ROPN1: variants seen among roughly 807,000 people sequenced by gnomAD.
The protein encoded by ROPN1 is ropporin-1A.
A neutral mutation model predicts 20.5 loss-of-function variants in ROPN1; 14 were observed. The ratio of observed to expected loss-of-function variants is 0.68; its 90% CI spans 0.45 to 1.07. The LOEUF (loss-of-function observed/expected upper bound fraction) is 1.07. ROPN1 is among the 50% of genes least tolerant of loss of function. The pLI, the probability that ROPN1 is intolerant of heterozygous loss-of-function variation, is 0.00. For synonymous variants in ROPN1, 76 were observed against 95.7 expected, an observed-to-expected ratio of 0.79 and a Z score of 1.20; for missense variants, 169 against 242.8, an observed-to-expected ratio of 0.70 and a Z score of 2.02.
At chr3:123,988,478 C>T (rs558647085) in intron 1 of ROPN1, among the ~76,000 whole-genome samples, 1 of 152,134 alleles carries the variant, frequency 6.6e-6, no homozygotes. Context: ...GGTGAATGCA[C>T]TATAGTTTCC....
chr3:123,979,655 C>G (rs1443091716), intron 2 of ROPN1: 1 of 375,282 alleles, frequency 2.7e-6, no homozygotes, highest in African/African-American at 2.1e-5. Context: ...AAGAAGGCAC[C>G]CGTGTTTGAG....
intron 1 of ROPN1, among the ~76,000 whole-genome samples, chr3:123,985,299 T>C (rs998212979): frequency 9.8e-5 from 15 of 152,330 alleles, no homozygotes; most frequent in African/African-American, 3.1e-4. Flanking sequence ...CCCTGTACGT[T>C]GGATTATTAC....
At chr3:123,977,035 G>A in intron 2 of ROPN1, 54 bp from the exon 3 acceptor site, 1 of 1,509,434 alleles carries the variant, frequency 6.6e-7, no homozygotes, top group African/African-American at 1.4e-5. Context: ...GTGGCCTCTG[G>A]CTGTTCTAGC....
At chr3:123,985,524 A>C (rs930637956) in intron 1 of ROPN1, among the ~76,000 whole-genome samples, 1 of 151,928 alleles carries the variant, frequency 6.6e-6, no homozygotes, top group African/African-American at 2.4e-5. Flanking sequence ...TTTTTTTCCC[A>C]TTGTGACTTG....
At position 123,980,618 on chromosome 3, in the gene ROPN1, G is replaced by T. The variant is rs1218625419; in HGVS notation, c.-12-125C>A. 3 of 751,490 alleles carry T rather than the reference G, an allele frequency of 4.0e-6. No individual in the cohort carries two copies. In the African/African-American group the frequency reaches 5.3e-5, roughly 13 times the overall value. The allele number at this position is 751,490 out of a possible 1,614,324, so 46.6% of individuals were successfully genotyped here. On this transcript the variant is annotated intron_variant, in intron 1 of 5. Coordinates refer to ENST00000405845, the MANE Select transcript of ROPN1 (RefSeq NM_001317774.2). ...ATTTTGGGGACTCTGCAAGACAAAT[G>T]CATTCTATTATTACACAACGCCAAG...
chr3:123,975,856 A>G (rs1199740406), intron 3 of ROPN1: 1 of 372,122 alleles, frequency 2.7e-6, no homozygotes, highest in Non-Finnish European at 5.2e-6. Flanking sequence ...TTTATTCCTT[A>G]TATGACAGAT....
At position 123,971,813 on chromosome 3, in the gene ROPN1, G is replaced by C. The variant is rs114922720; in HGVS notation, c.397-1596C>G. On this transcript the variant is annotated intron_variant, in intron 4 of 5. Transcript: ENST00000405845. ...TTTGTTCTGTTGCCCTCTCCCATGGGGTGCTGGTATGGGCTGAATTGTTCC... is the reference window on the plus strand; with the variant it reads ...TTTGTTCTGTTGCCCTCTCCCATGGCGTGCTGGTATGGGCTGAATTGTTCC... Among the ~76,000 whole-genome samples, 405 of 152,240 alleles carry C rather than the reference G, an allele frequency of 2.7e-3. 3 individuals carry two copies. The highest frequency in any genetic ancestry group is 9.4e-3 in the African/African-American group (389 of 41,530).
At chr3:123,986,018 ATC>A (rs2038245429) in intron 1 of ROPN1, among the ~76,000 whole-genome samples, 637 of 92,990 alleles carry the variant, frequency 6.9e-3, no homozygotes, top group East Asian at 0.038. Context: ...AAAAAAAAAA[ATC>A]AAAATATTTA....
chr3:123,986,925 T>G (rs986023909), intron 1 of ROPN1, among the ~76,000 whole-genome samples: 1 of 152,224 alleles, frequency 6.6e-6, no homozygotes, highest in African/African-American at 2.4e-5. Flanking sequence ...ATGGCCAGGC[T>G]TGTGCCTGGA....
At chr3:123,979,884 A>G (rs2038101189) in intron 2 of ROPN1, 1 of 354,792 alleles carries the variant, frequency 2.8e-6, no homozygotes, top group Non-Finnish European at 5.3e-6. Flanking sequence ...GTGTCTCCTT[A>G]AAGGAGTGAA....
chr3:123,976,845 G>T lies in ROPN1; in HGVS notation c.234+19C>A, dbSNP rs1263221815. The stretch of plus-strand genomic sequence containing the variant: ...ACACTGTCCCTACATTCTCCTCAAT[G>T]CTGCAGCAGGGCCCTTACCTGAGAA... On this transcript the variant is annotated intron_variant, in intron 3 of 5. Transcript: ENST00000405845. 2.5e-6 allele frequency: 4 copies of T among 1,605,530 alleles called. No homozygotes were observed. Among genetic ancestry groups the T allele is most frequent in the Non-Finnish European group, 3.4e-6 (4 of 1,174,568 alleles).
chr3:123,990,656 G>T (rs1216037366), intron 1 of ROPN1, among the ~76,000 whole-genome samples: 1 of 152,188 alleles, frequency 6.6e-6, no homozygotes, highest in Admixed American at 6.5e-5. Flanking sequence ...ATTTTGTAAA[G>T]TTATTTTCCA....
intron 4 of ROPN1, among the ~76,000 whole-genome samples, chr3:123,971,531 A>G (rs2037919812): frequency 1.3e-5 from 2 of 152,058 alleles, no homozygotes; most frequent in Admixed American, 6.5e-5. Flanking sequence ...TCTCATGGAA[A>G]TTGTTGTGAA....
intron 2 of ROPN1, chr3:123,979,603 G>A (rs2148995522): frequency 2.8e-6 from 1 of 363,116 alleles, no homozygotes; most frequent in Non-Finnish European, 5.4e-6. Context: ...CGATTGTTGT[G>A]TAAGCTCCAT....
At chr3:123,988,006 G>A (rs572981858) in intron 1 of ROPN1, among the ~76,000 whole-genome samples, 1 of 152,282 alleles carries the variant, frequency 6.6e-6, no homozygotes, top group African/African-American at 2.4e-5. Context: ...CTGTAAAGTT[G>A]TGCAACATGG....
intron 1 of ROPN1, among the ~76,000 whole-genome samples, chr3:123,990,341 G>C (rs538239190): frequency 1.3e-5 from 2 of 152,314 alleles, no homozygotes; most frequent in Admixed American, 1.3e-4. Flanking sequence ...AGGAGGAAGA[G>C]GTGAAGGACA....
chr3:123,986,419 C>A (rs566004403), intron 1 of ROPN1, among the ~76,000 whole-genome samples: 22 of 152,116 alleles, frequency 1.4e-4, no homozygotes, highest in African/African-American at 5.1e-4. Context: ...AGCAGGGGTC[C>A]CTGATGGAGA....
chr3:123,986,827 G>C (rs2038271130), intron 1 of ROPN1, among the ~76,000 whole-genome samples: 1 of 152,224 alleles, frequency 6.6e-6, no homozygotes, highest in Non-Finnish European at 1.5e-5. Context: ...CCACCTTGCT[G>C]GAGCTCTCCA....
intron 1 of ROPN1, among the ~76,000 whole-genome samples, chr3:123,982,405 A>G (rs1458330794): frequency 3.3e-5 from 5 of 152,286 alleles, no homozygotes; most frequent in Non-Finnish European, 7.4e-5. Context: ...AATGATAAAT[A>G]CAAATTCAGA....
Sources: allele counts gnomAD v4.1 joint callset (sites outside exome capture counted in the v4.1 genomes callset), GRCh38; gene constraint gnomAD v4.1.1; transcripts MANE v1.5; gene names NCBI Gene and HGNC (gene_info 2026-07-23, HGNC 2026-07-21).